Variants in CDC42BPA observed in about 807,000 individuals in gnomAD.
The protein encoded by CDC42BPA is CDC42 binding protein kinase alpha, also known as serine/threonine-protein kinase MRCK alpha.
CDC42BPA carries 80 observed loss-of-function variants against 223.5 expected under a neutral mutation model. That is an observed-to-expected ratio of 0.36 (90% confidence interval 0.30 to 0.43). The LOEUF (loss-of-function observed/expected upper bound fraction) is 0.43, where lower values mean the gene tolerates loss of function less well. Among genes scored for constraint, CDC42BPA ranks in the 20% least tolerant of loss-of-function variants. The pLI is 1.00. For synonymous variants in CDC42BPA, 694 were observed against 718.6 expected (o/e 0.97, Z 0.55); for missense variants, 1,743 against 2,099.9 (o/e 0.83, Z 3.32).
intron 5 of CDC42BPA, among the ~76,000 whole-genome samples, chr1:227,168,784 A>T (rs1012333890): frequency 9.2e-5 from 14 of 152,120 alleles, no homozygotes. Flanking sequence ...GGCGTGAGCC[A>T]CTGCACTCGG....
At chr1:227,120,013 A>G in intron 11 of CDC42BPA, 76 bp from the exon 12 acceptor site, 1 of 1,214,314 alleles carries the variant, frequency 8.2e-7, no homozygotes, top group Non-Finnish European at 1.1e-6. Context: ...AACAACTAAA[A>G]TTTTTTTTAA....
chr1:227,253,229 G>A (rs140514610), intron 2 of CDC42BPA, among the ~76,000 whole-genome samples: 2 of 128,546 alleles, frequency 1.6e-5, no homozygotes, highest in Admixed American at 8.1e-5. Flanking sequence ...GAGAGAGGAG[G>A]GAGAGAGAGA....
intron 2 of CDC42BPA, among the ~76,000 whole-genome samples, chr1:227,252,165 A>C (rs1029236565): frequency 3.3e-5 from 5 of 152,092 alleles, no homozygotes; most frequent in African/African-American, 1.2e-4. Flanking sequence ...TATAAAGTGC[A>C]GAAATTAAAG....
intron 2 of CDC42BPA, among the ~76,000 whole-genome samples, chr1:227,218,335 T>C (rs1675238263): frequency 1.3e-5 from 2 of 152,252 alleles, no homozygotes; most frequent in South Asian, 4.1e-4. Flanking sequence ...CTGTTGCTGC[T>C]CATTACTTAT....
chr1:227,165,186 G>C (rs1664813822), intron 5 of CDC42BPA, among the ~76,000 whole-genome samples: 3 of 152,028 alleles, frequency 2.0e-5, no homozygotes, highest in Non-Finnish European at 4.4e-5. Context: ...GCTCCCTCCA[G>C]AACTACAGTA....
At chr1:227,132,751 G>A (rs1469956555) in intron 10 of CDC42BPA, among the ~76,000 whole-genome samples, 3 of 147,430 alleles carry the variant, frequency 2.0e-5, no homozygotes, top group African/African-American at 7.6e-5. Context: ...CCCGCCCATC[G>A]TCTGGGATGT....
rs1187754381 is a variant in CDC42BPA, at chr1:227,005,087, T to C, written c.4882A>G (p.Thr1628Ala). 2 of 1,613,786 alleles carry C rather than the reference T, an allele frequency of 1.2e-6. No individual in the cohort carries two copies. The highest frequency in any genetic ancestry group is 2.7e-5 in the African/African-American group (2 of 74,930). ...ATACTGACTGAGCCACTGAATACTGTCCGACTTTCCTGAGGCCGAGGGTTC... is the reference window on the plus strand; with the variant it reads ...ATACTGACTGAGCCACTGAATACTGCCCGACTTTCCTGAGGCCGAGGGTTC... ...PMNPRPQESRTVFSGSVSIPS... is the reference protein window; with the variant it reads ...PMNPRPQESRAVFSGSVSIPS... The change falls in exon 35 of 37, where the codon ACA (threonine) becomes GCA (alanine). Residue 1628 changes from threonine (T) to alanine (A), a missense_variant. Around this residue, in one of 6 missense-constraint regions of CDC42BPA, gnomAD observed 200 missense variants for 192.8 expected, o/e 1.04. Transcript: ENST00000366766.
At chr1:227,020,607 G>A (rs921286755) in intron 32 of CDC42BPA, among the ~76,000 whole-genome samples, 6 of 152,232 alleles carry the variant, frequency 3.9e-5, no homozygotes, top group Admixed American at 3.9e-4. Context: ...TGAAGAGAAA[G>A]CTTTGCTCTG....
intron 1 of CDC42BPA, among the ~76,000 whole-genome samples, chr1:227,281,058 A>C (rs1327614092): frequency 6.6e-6 from 1 of 152,094 alleles, no homozygotes; most frequent in Non-Finnish European, 1.5e-5. Context: ...TCCTCACCAC[A>C]TTCTCCCAAA....
chr1:227,071,721 C>A (rs1414849186), intron 20 of CDC42BPA, among the ~76,000 whole-genome samples: 7 of 118,038 alleles, frequency 5.9e-5, no homozygotes, highest in Admixed American at 2.0e-4. Flanking sequence ...CCCACCCCCC[C>A]CCCCCCAATT....
intron 17 of CDC42BPA, among the ~76,000 whole-genome samples, chr1:227,080,557 T>C (rs12410337): frequency 0.15 from 23,498 of 152,150 alleles, 2,204 homozygotes; most frequent in African/African-American, 0.25. Flanking sequence ...TACAGGACTT[T>C]TGGTCTTAGA....
At chr1:227,227,683 G>T (rs1051538866) in intron 2 of CDC42BPA, among the ~76,000 whole-genome samples, 2 of 152,118 alleles carry the variant, frequency 1.3e-5, no homozygotes, top group East Asian at 3.9e-4. Context: ...TGGAGACTTT[G>T]AATTTTCCCT....
At chr1:227,081,300 A>G (rs1226938041) in intron 16 of CDC42BPA, among the ~76,000 whole-genome samples, 2 of 151,998 alleles carry the variant, frequency 1.3e-5, no homozygotes, top group Admixed American at 1.3e-4. Context: ...TTCTCCAAAA[A>G]TGTCTTTATG....
In CDC42BPA at chr1:227,252,666, TACATATAAAGGGGGTA is replaced by T. The variant is rs770784618; in HGVS notation, c.270+1382_270+1397del. Among the ~76,000 whole-genome samples the T allele has an allele frequency of 7.4e-4, 112 of 152,266 alleles. 1 individual carries two copies. The Middle Eastern group carries it at 0.014, about 18-fold the overall frequency. ...ACAAAAAGCACATGAAGTCCGTTGG[TACATATAAAGGGGGTA>T]ACATATCACAAGTCAGTTGGGCTTA... On this transcript the variant is annotated intron_variant, in intron 2 of 36. Transcript: ENST00000366766.
At chr1:226,996,621 T>G (rs1042851262) in intron 35 of CDC42BPA, among the ~76,000 whole-genome samples, 1 of 152,234 alleles carries the variant, frequency 6.6e-6, no homozygotes, top group African/African-American at 2.4e-5. Context: ...ATAGCTATTA[T>G]TTTGAGATAC....
chr1:227,280,113 TA>T (rs1287890459), intron 1 of CDC42BPA, among the ~76,000 whole-genome samples: 1 of 152,242 alleles, frequency 6.6e-6, no homozygotes, highest in African/African-American at 2.4e-5. Context: ...AAACCTTGTA[TA>T]AAAAAAGACT....
At chr1:227,303,207 A>G (rs1179129893) in intron 1 of CDC42BPA, among the ~76,000 whole-genome samples, 1 of 152,138 alleles carries the variant, frequency 6.6e-6, no homozygotes, top group Admixed American at 6.5e-5. Context: ...CTGATAACAA[A>G]TCTCACTGTA....
At chr1:227,136,932 A>G (rs1658677847) in intron 10 of CDC42BPA, among the ~76,000 whole-genome samples, 1 of 152,202 alleles carries the variant, frequency 6.6e-6, no homozygotes, top group African/African-American at 2.4e-5. Context: ...ATGATTCCAG[A>G]TAGAAACATG....
At chr1:227,006,129 CATA>C (rs138677289) in intron 34 of CDC42BPA, among the ~76,000 whole-genome samples, 4,956 of 152,276 alleles carry the variant, frequency 0.033, 208 homozygotes, top group African/African-American at 0.1. Flanking sequence ...CATTTCTTCA[CATA>C]ATCCCAGCCT....
Sources: gnomAD v4.1 joint callset for allele counts (sites outside exome capture counted in the v4.1 genomes callset) on GRCh38, gnomAD v4.1.1 for gene constraint, gnomAD v4.1.1 regional missense constraint, MANE v1.5 for transcripts, NCBI Gene and HGNC (gene_info 2026-07-23, HGNC 2026-07-21) for gene names.